Variants in TIAM1 observed in about 807,000 individuals in gnomAD.
The protein encoded by TIAM1 is TIAM Rac1 associated GEF 1, also known as rho guanine nucleotide exchange factor TIAM1.
In TIAM1, 65 loss-of-function variants were observed where a neutral mutation model predicts 163.5. That is an observed-to-expected ratio of 0.40 (90% CI 0.33 to 0.49). The LOEUF is 0.49. Ranked by LOEUF, TIAM1 falls within the 20% of genes least tolerant of loss-of-function variation. TIAM1 has a pLI of 0.77. For missense variants in TIAM1, 1,789 were observed against 2,044.7 expected (o/e 0.87, Z 2.41); for synonymous variants, 833 against 810.1 (o/e 1.03, Z -0.48).
intron 1 of TIAM1, among the ~76,000 whole-genome samples, chr21:31,511,024 G>A (rs1442312880): frequency 4.6e-5 from 7 of 152,214 alleles, no homozygotes; most frequent in East Asian, 1.9e-4. Flanking sequence ...GGCAACAGAA[G>A]AGAGACAAGT....
chr21:31,269,988 AC>A (rs1256260017), intron 3 of TIAM1, among the ~76,000 whole-genome samples: 1 of 152,010 alleles, frequency 6.6e-6, no homozygotes, highest in Non-Finnish European at 1.5e-5. Flanking sequence ...TTTAAGTTTT[AC>A]CCTTTCCATG....
At chr21:31,498,301 C>T (rs550633208) in intron 1 of TIAM1, among the ~76,000 whole-genome samples, 3 of 152,228 alleles carry the variant, frequency 2.0e-5, no homozygotes, top group Non-Finnish European at 4.4e-5. Context: ...AGACTCACCA[C>T]GTTAAACTTC....
chr21:31,267,214 G>A (rs1328580430), intron 3 of TIAM1, among the ~76,000 whole-genome samples: 3 of 152,230 alleles, frequency 2.0e-5, no homozygotes, highest in South Asian at 4.1e-4. Flanking sequence ...GATGTGAAAT[G>A]AGCTCATAAA....
intron 2 of TIAM1, among the ~76,000 whole-genome samples, chr21:31,368,091 T>C (rs887994369): frequency 6.6e-6 from 1 of 152,160 alleles, no homozygotes; most frequent in African/African-American, 2.4e-5. Flanking sequence ...TGTTCTCTGA[T>C]TTTAAACTCA....
chr21:31,413,264 CTTTTTT>C (rs397866519), intron 2 of TIAM1, among the ~76,000 whole-genome samples: 3 of 87,852 alleles, frequency 3.4e-5, no homozygotes, highest in South Asian at 4.4e-4. Flanking sequence ...CTTTTCTTTT[CTTTTTT>C]TTTTTTTTTT....
rs192278774 is a variant in TIAM1 at position 31,140,064 on chromosome 21, A to G, written c.3774+1054T>C. ...CTGCCTGGGTCCTTCACATCTTATG[A>G]GTAAAATAAATTATGAGAGGTCATA... On this transcript the variant is annotated intron_variant, in intron 22 of 27. Coordinates refer to ENST00000541036, the MANE Select transcript of TIAM1 (RefSeq NM_001353694.2). 1.1e-4 allele frequency among the ~76,000 whole-genome samples: 16 copies of G among 152,342 alleles called. No homozygotes were observed. The East Asian group carries it at 2.9e-3, about 28-fold the overall frequency.
At chr21:31,385,254 G>A (rs1405752552) in intron 2 of TIAM1, among the ~76,000 whole-genome samples, 1 of 152,068 alleles carries the variant, frequency 6.6e-6, no homozygotes, top group Non-Finnish European at 1.5e-5. Context: ...GTAGAGACGG[G>A]GTTTCACCAT....
intron 8 of TIAM1, among the ~76,000 whole-genome samples, chr21:31,220,886 AC>A (rs1304622449): frequency 1.3e-5 from 2 of 152,174 alleles, no homozygotes; most frequent in African/African-American, 4.8e-5. Flanking sequence ...AACAATGATA[AC>A]CTTCTTTCAA....
chr21:31,402,522 G>A (rs1045715866), intron 2 of TIAM1, among the ~76,000 whole-genome samples: 5 of 152,136 alleles, frequency 3.3e-5, no homozygotes, highest in Admixed American at 6.5e-5. Flanking sequence ...GGCCGTCCAC[G>A]ACATTTCCCA....
In TIAM1 at chr21:31,210,202, A is replaced by G. The variant is rs751804994; in HGVS notation, c.2231T>C (p.Val744Ala). ...IVPDGKREKE[V>A]VLPNVHQHNP... Reference sequence around the variant, plus strand: ...GTGCTGGTGAACGTTAGGTAAGACCACTTCTTTCTCCCTCTATAACAAGAA... The same window carrying G: ...GTGCTGGTGAACGTTAGGTAAGACCGCTTCTTTCTCCCTCTATAACAAGAA... The change falls in exon 11 of 28, where the codon GTG becomes GCG. Residue 744 changes from valine to alanine, a missense_variant. Physicochemically the swap from Val to Ala is moderately conservative, Grantham distance 64. Coordinates refer to ENST00000541036, the MANE Select transcript of TIAM1 (RefSeq NM_001353694.2). 1 of 1,614,044 alleles carries G rather than the reference A, an allele frequency of 6.2e-7. No individual in the cohort carries two copies. Among genetic ancestry groups the G allele is most frequent in the Non-Finnish European group, 8.5e-7 (1 of 1,180,010 alleles).
intron 2 of TIAM1, among the ~76,000 whole-genome samples, chr21:31,384,215 C>T (rs1022628311): frequency 6.6e-6 from 1 of 151,478 alleles, no homozygotes. Context: ...AAATATATAA[C>T]ATCTGAAGAG....
intron 19 of TIAM1, among the ~76,000 whole-genome samples, chr21:31,148,972 TG>T (rs56835856): frequency 3.3e-3 from 92 of 27,534 alleles, no homozygotes; most frequent in African/African-American, 9.1e-3. Flanking sequence ...CTTTTTTTTT[TG>T]GTCAAATATA....
At chr21:31,479,778 T>G (rs1468096778) in intron 1 of TIAM1, among the ~76,000 whole-genome samples, 1 of 152,102 alleles carries the variant, frequency 6.6e-6, no homozygotes, top group Non-Finnish European at 1.5e-5. Flanking sequence ...AAGTGGGCTG[T>G]TCCCCCATAT....
intron 15 of TIAM1, among the ~76,000 whole-genome samples, chr21:31,180,852 G>A (rs1027421693): frequency 1.3e-5 from 2 of 152,240 alleles, no homozygotes; most frequent in Admixed American, 6.5e-5. Flanking sequence ...ATAACATAAT[G>A]AGTCAAGGAA....
chr21:31,122,754 C>A (rs558492293), intron 27 of TIAM1, among the ~76,000 whole-genome samples: 501 of 152,280 alleles, frequency 3.3e-3, no homozygotes, highest in African/African-American at 0.011. Context: ...AATAAACTAC[C>A]TGAGTATTCA....
chr21:31,269,667 G>GT (rs1383457242), intron 3 of TIAM1, among the ~76,000 whole-genome samples: 55 of 130,628 alleles, frequency 4.2e-4, no homozygotes, highest in African/African-American at 1.4e-3. Context: ...CTTTAAGTTT[G>GT]TTTGTTTTTT....
At chr21:31,314,900 A>C (rs1190034272) in intron 2 of TIAM1, among the ~76,000 whole-genome samples, 2 of 152,136 alleles carry the variant, frequency 1.3e-5, no homozygotes, top group Non-Finnish European at 2.9e-5. Context: ...TGAGTGTAAA[A>C]ATTATGTGCA....
intron 1 of TIAM1, among the ~76,000 whole-genome samples, chr21:31,552,124 C>G (rs1271177430): frequency 2.3e-5 from 3 of 128,594 alleles, no homozygotes; most frequent in African/African-American, 9.0e-5. Context: ...GTGGCGTGAT[C>G]TCGGCTCACT....
chr21:31,196,334 C>T (rs1328113716), intron 12 of TIAM1, among the ~76,000 whole-genome samples: 5 of 148,040 alleles, frequency 3.4e-5, no homozygotes, highest in Admixed American at 6.7e-5. Flanking sequence ...TTTTTTCACA[C>T]GGAGTGTTGC....
Sources: allele counts gnomAD v4.1 joint callset (sites outside exome capture counted in the v4.1 genomes callset), GRCh38; gene constraint gnomAD v4.1.1; transcripts MANE v1.5; gene names NCBI Gene and HGNC (gene_info 2026-07-23, HGNC 2026-07-21).